The following NDUFAF5 variants were observed in gnomAD, a reference collection of about 807,000 sequenced individuals.
NDUFAF5 encodes the protein arginine-hydroxylase NDUFAF5, mitochondrial.
Under a neutral mutation model 48.9 loss-of-function variants are expected in NDUFAF5, and 34 were observed. The ratio of observed to expected loss-of-function variants is 0.70; its 90% CI spans 0.53 to 0.93. The LOEUF is 0.93. NDUFAF5 is among the 40% of genes least tolerant of loss of function. The probability of loss-of-function intolerance (pLI) is 0.00; values close to 1 mark genes in which losing one functional copy is unlikely to be tolerated. For missense variants in NDUFAF5, 428 were observed against 427.5 expected, an observed-to-expected ratio of 1.00 and a Z score of -0.01; for synonymous variants, 153 against 150.6, an observed-to-expected ratio of 1.02 and a Z score of -0.12.
intron 7 of NDUFAF5, among the ~76,000 whole-genome samples, chr20:13,803,966 A>G (rs1041690514): frequency 1.3e-5 from 2 of 152,074 alleles, no homozygotes; most frequent in African/African-American, 2.4e-5. Context: ...TTGTATTTTT[A>G]GTAGAGATGG....
rs538341344 is a variant in NDUFAF5, at chr20:13,821,170, T to A, written c.*3960T>A. 6.6e-6 allele frequency: 1 copy of A among 152,362 alleles called. No homozygotes were observed. 9.4% of individuals were successfully genotyped at this position (152,362 alleles called of 1,614,324 possible). ...AAAATCTATCCACAAATTTTTGATA[T>A]GCTTCTCTTTAAGACGGGACACTTC... On this transcript the variant is annotated 3_prime_UTR_variant, in exon 11 of 11. Transcript: ENST00000378106.
chr20:13,808,811 C>A, intron 7 of NDUFAF5, 31 bp from the exon 8 acceptor site: 1 of 1,432,286 alleles, frequency 7.0e-7, no homozygotes, highest in South Asian at 1.2e-5. Context: ...TCATGAATGT[C>A]AAATGAATAT....
At position 13,801,632 on chromosome 20, in the gene NDUFAF5, C is replaced by A. The variant is rs1233177610; in HGVS notation, c.666C>A (p.Val222=). ...CACACATTTCTCCTTTCACTGCTGT[C>A]AATGACCTGGGACATCTGCTTGGGA... ...FSPHISPFTA[V]NDLGHLLGRA... is the part of the protein sequence containing the mutation. The change falls in exon 7 of 11, where the codon GTC becomes GTA. Residue 222 remains valine, a synonymous_variant. Transcript: ENST00000378106. 3.7e-6 allele frequency: 6 copies of A among 1,613,874 alleles called. No homozygotes were observed. The highest frequency in any genetic ancestry group is 5.1e-6 in the Non-Finnish European group (6 of 1,180,004).
At chr20:13,805,639 G>A (rs1259143389) in intron 7 of NDUFAF5, among the ~76,000 whole-genome samples, 1 of 152,060 alleles carries the variant, frequency 6.6e-6, no homozygotes, top group Non-Finnish European at 1.5e-5. Context: ...CTGAGGTGCT[G>A]TATTAATATT....
chr20:13,802,746 C>T (rs1319984644), intron 7 of NDUFAF5, among the ~76,000 whole-genome samples: 1 of 151,640 alleles, frequency 6.6e-6, no homozygotes, highest in Admixed American at 6.6e-5. Context: ...GTACCAGGAC[C>T]ATGGTAGATG....
chr20:13,794,467 A>G (rs1275993172), intron 4 of NDUFAF5, among the ~76,000 whole-genome samples: 3 of 152,038 alleles, frequency 2.0e-5, no homozygotes, highest in South Asian at 2.1e-4. Flanking sequence ...TTTAGTAGAG[A>G]CGTGGTTTCA....
rs759567769 is a variant in NDUFAF5 at position 13,817,411 on chromosome 20, A to G, written c.*201A>G. 37 of 682,658 alleles carry G rather than the reference A, an allele frequency of 5.4e-5. No individual in the cohort carries two copies. The highest frequency in any genetic ancestry group is 4.0e-5 in the Admixed American group (2 of 49,490). 42.3% of individuals were successfully genotyped at this position (682,658 alleles called of 1,614,324 possible). On this transcript the variant is annotated 3_prime_UTR_variant, in exon 11 of 11. Coordinates refer to ENST00000378106, the MANE Select transcript of NDUFAF5 (RefSeq NM_024120.5). ...TTCTGTTCTCATAAGGATACTGCTGAGTGTCTTTGCAGATTCAGCCTAAAA... is the reference window on the plus strand; with the variant it reads ...TTCTGTTCTCATAAGGATACTGCTGGGTGTCTTTGCAGATTCAGCCTAAAA...
intron 8 of NDUFAF5, chr20:13,814,067 GT>G (rs978678616): frequency 1.8e-4 from 39 of 214,486 alleles, no homozygotes; most frequent in East Asian, 1.2e-3. Flanking sequence ...CTGTTTGTTT[GT>G]TTTTTTTTAA....
intron 8 of NDUFAF5, among the ~76,000 whole-genome samples, chr20:13,810,301 C>G (rs1313086901): frequency 6.6e-6 from 1 of 152,158 alleles, no homozygotes; most frequent in Non-Finnish European, 1.5e-5. Flanking sequence ...GTAGAATTGC[C>G]TGAACCAAAG....
chr20:13,809,019 G>C (rs1331722547), intron 8 of NDUFAF5, 117 bp downstream of exon 8: 4 of 725,914 alleles, frequency 5.5e-6, no homozygotes, highest in Non-Finnish European at 1.0e-5. Context: ...CAGGCACTGG[G>C]CAAAGCACTA....
At chr20:13,786,006 T>C (rs2147470870) in intron 1 of NDUFAF5, among the ~76,000 whole-genome samples, 1 of 152,332 alleles carries the variant, frequency 6.6e-6, no homozygotes, top group African/African-American at 2.4e-5. Flanking sequence ...AGTGGAGTGA[T>C]CTGACTTATG....
intron 2 of NDUFAF5, among the ~76,000 whole-genome samples, chr20:13,788,320 A>G (rs183203564): frequency 3.3e-4 from 51 of 152,334 alleles, no homozygotes; most frequent in Middle Eastern, 6.8e-3. Context: ...GAGTTAAAAT[A>G]TCCTCATTAA....
At chr20:13,797,048 T>C (rs1983346290) in intron 5 of NDUFAF5, among the ~76,000 whole-genome samples, 1 of 152,156 alleles carries the variant, frequency 6.6e-6, no homozygotes, top group Non-Finnish European at 1.5e-5. Context: ...TTTATCACCT[T>C]AAAAAATGGA....
intron 2 of NDUFAF5, 73 bp from the exon 3 acceptor site, chr20:13,788,516 C>T: frequency 3.4e-6 from 4 of 1,187,458 alleles, no homozygotes; most frequent in Non-Finnish European, 3.8e-6. Context: ...AATGATTTTA[C>T]CTAAGAAAAA....
intron 2 of NDUFAF5, among the ~76,000 whole-genome samples, 191 bp from the exon 3 acceptor site, chr20:13,788,398 A>C (rs372574028): frequency 9.9e-5 from 15 of 152,218 alleles, no homozygotes; most frequent in African/African-American, 3.1e-4. Flanking sequence ...GGTCCTGTGA[A>C]TAGCTAGCAG....
intron 7 of NDUFAF5, among the ~76,000 whole-genome samples, chr20:13,807,736 G>T (rs1182155135): frequency 1.3e-5 from 2 of 151,480 alleles, no homozygotes; most frequent in African/African-American, 4.9e-5. Context: ...AAGGTTAGGA[G>T]ATCGAGACCA....
intron 7 of NDUFAF5, among the ~76,000 whole-genome samples, chr20:13,804,500 A>G (rs1460357425): frequency 6.6e-6 from 1 of 151,970 alleles, no homozygotes; most frequent in East Asian, 1.9e-4. Flanking sequence ...TTTTTTATTA[A>G]CAGTATATGT....
intron 3 of NDUFAF5, among the ~76,000 whole-genome samples, chr20:13,792,253 A>G (rs1332210718): frequency 6.6e-6 from 1 of 152,196 alleles, no homozygotes; most frequent in Non-Finnish European, 1.5e-5. Context: ...TAGCAACATC[A>G]TGTTGGTAGC....
chr20:13,816,730 G>T, intron 9 of NDUFAF5, 145 bp from the exon 10 acceptor site: 2 of 754,632 alleles, frequency 2.7e-6, no homozygotes, highest in Non-Finnish European at 4.7e-6. Flanking sequence ...CTTACCCTCA[G>T]TATTAAGAAT....
Sources: gnomAD v4.1 joint callset for allele counts (sites outside exome capture counted in the v4.1 genomes callset) on GRCh38, gnomAD v4.1.1 for gene constraint, MANE v1.5 for transcripts, NCBI Gene and HGNC (gene_info 2026-07-23, HGNC 2026-07-21) for gene names.